Variants in NELL1 observed in about 807,000 individuals in gnomAD.
The protein encoded by NELL1 is neural EGFL like 1.
In NELL1, 76 loss-of-function variants were observed where a neutral mutation model predicts 107.4. The ratio of observed to expected loss-of-function variants is 0.71; its 90% confidence interval spans 0.59 to 0.86. NELL1 has a LOEUF of 0.86. Among genes scored for constraint, NELL1 ranks in the 40% least tolerant of loss-of-function variants. NELL1 has a pLI of 0.00. For missense variants in NELL1, 1,024 were observed against 1,005.5 expected, an observed-to-expected ratio of 1.02 and a Z score of -0.25; for synonymous variants, 353 against 341.2, an observed-to-expected ratio of 1.03 and a Z score of -0.38.
chr11:21,529,174 T>A (rs544277121), intron 15 of NELL1, among the ~76,000 whole-genome samples: 1 of 152,132 alleles, frequency 6.6e-6, no homozygotes, highest in South Asian at 2.1e-4. Flanking sequence ...GGCAGAAAAA[T>A]GTTGTACTAT....
rs1590211400 is a variant in NELL1, at chr11:20,695,012, A to G, written c.184+16952A>G. 3.3e-5 allele frequency among the ~76,000 whole-genome samples: 5 copies of G among 151,998 alleles called. No individual in the cohort carries two copies. The South Asian group carries it at 8.3e-4, about 25-fold the overall frequency. ...CTCCTTGTAGAGAGCTTTCACCTCC[A>G]TTGTTAGGTGTGTTTCTAGGTATTT... On this transcript the variant is annotated intron_variant, in intron 2 of 19. Coordinates refer to ENST00000357134, the MANE Select transcript of NELL1 (RefSeq NM_006157.5).
At chr11:21,399,874 A>G (rs531219818) in intron 15 of NELL1, among the ~76,000 whole-genome samples, 1 of 151,892 alleles carries the variant, frequency 6.6e-6, no homozygotes, top group East Asian at 2.0e-4. Flanking sequence ...GGAAGTTGAT[A>G]AGAACGCTGA....
chr11:21,245,500 A>G (rs185144297), intron 14 of NELL1, among the ~76,000 whole-genome samples: 38 of 152,296 alleles, frequency 2.5e-4, no homozygotes, highest in African/African-American at 7.2e-4. Context: ...CTTGTCGTTC[A>G]AAATGAAGTT....
intron 3 of NELL1, among the ~76,000 whole-genome samples, chr11:20,846,752 AG>A (rs1309884136): frequency 1.1e-4 from 17 of 152,214 alleles, no homozygotes; most frequent in Admixed American, 8.5e-4. Context: ...ACCTAGTGCA[AG>A]CCCTGGCAGT....
At chr11:20,848,022 C>T (rs1245284855) in intron 4 of NELL1, among the ~76,000 whole-genome samples, 4 of 152,138 alleles carry the variant, frequency 2.6e-5, no homozygotes, top group African/African-American at 9.7e-5. Flanking sequence ...AGTAAGTGCA[C>T]CTCAGTGTGC....
chr11:21,142,981 T>C (rs568168422), intron 13 of NELL1, among the ~76,000 whole-genome samples: 2 of 152,332 alleles, frequency 1.3e-5, no homozygotes, highest in African/African-American at 2.4e-5. Flanking sequence ...CCAACTTATA[T>C]GTAAGTAAAA....
intron 13 of NELL1, among the ~76,000 whole-genome samples, chr11:21,205,261 C>T (rs574524809): frequency 1.3e-5 from 2 of 152,282 alleles, no homozygotes; most frequent in East Asian, 3.9e-4. Context: ...GGGGTTTTAT[C>T]TTTAAGCCCA....
At chr11:20,873,551 A>G (rs1849243876) in intron 4 of NELL1, among the ~76,000 whole-genome samples, 1 of 152,214 alleles carries the variant, frequency 6.6e-6, no homozygotes, top group African/African-American at 2.4e-5. Flanking sequence ...AGAGCAGATG[A>G]TCTGTTTTGT....
chr11:21,240,907 A>G (rs1565126425), intron 14 of NELL1, among the ~76,000 whole-genome samples: 1 of 152,014 alleles, frequency 6.6e-6, no homozygotes, highest in Non-Finnish European at 1.5e-5. Context: ...ATGTTAAATC[A>G]GATCAGCTTG....
chr11:21,381,835 G>A (rs1851615070), intron 15 of NELL1, among the ~76,000 whole-genome samples: 1 of 151,174 alleles, frequency 6.6e-6, no homozygotes, highest in Non-Finnish European at 1.5e-5. Flanking sequence ...TTCTGCTCTG[G>A]GGAAAGACTG....
chr11:20,762,329 T>A (rs1342772611), intron 2 of NELL1, among the ~76,000 whole-genome samples: 1 of 152,160 alleles, frequency 6.6e-6, no homozygotes, highest in African/African-American at 2.4e-5. Flanking sequence ...CAAAGGCTGT[T>A]GGAATACAAA....
At chr11:21,343,210 C>T (rs560642216) in intron 14 of NELL1, among the ~76,000 whole-genome samples, 1 of 151,938 alleles carries the variant, frequency 6.6e-6, no homozygotes, top group Non-Finnish European at 1.5e-5. Flanking sequence ...GCATGGCATA[C>T]AAGATTCTTC....
At chr11:21,163,620 G>C (rs184579495) in intron 13 of NELL1, among the ~76,000 whole-genome samples, 11 of 152,172 alleles carry the variant, frequency 7.2e-5, no homozygotes, top group Admixed American at 7.2e-4. Context: ...CTGTATACTG[G>C]GTGACTTAAC....
At chr11:20,737,608 G>A (rs569906187) in intron 2 of NELL1, among the ~76,000 whole-genome samples, 2 of 152,164 alleles carry the variant, frequency 1.3e-5, no homozygotes, top group South Asian at 2.1e-4. Flanking sequence ...TACAGTGCCT[G>A]CAGAGAGATT....
In NELL1 at chr11:21,473,534, T is replaced by G. The variant is rs77777993; in HGVS notation, c.1646-60840T>G. On this transcript the variant is annotated intron_variant, in intron 15 of 19. Transcript: ENST00000357134. Reference sequence around the variant, plus strand: ...AGTGACCCTAATTCTACACAGACAATTTCAATGATGAGGGCACCTGTTTTT... The same window carrying G: ...AGTGACCCTAATTCTACACAGACAAGTTCAATGATGAGGGCACCTGTTTTT... 3.4e-4 allele frequency among the ~76,000 whole-genome samples: 52 copies of G among 152,156 alleles called. 1 individual carries two copies. In the East Asian group the frequency reaches 0.01, roughly 29 times the overall value.
chr11:20,927,165 A>C (rs1421607510), intron 7 of NELL1, 143 bp from the exon 8 acceptor site: 1 of 696,466 alleles, frequency 1.4e-6, no homozygotes, highest in East Asian at 2.9e-5. Context: ...AAAAAAACAA[A>C]AAACAGATAA....
chr11:21,179,805 T>G (rs1565098516), intron 13 of NELL1, among the ~76,000 whole-genome samples: 1 of 150,152 alleles, frequency 6.7e-6, no homozygotes, highest in African/African-American at 2.5e-5. Flanking sequence ...TGATTTATGT[T>G]TTTAACCAAA....
At chr11:21,328,426 A>T (rs1409989322) in intron 14 of NELL1, among the ~76,000 whole-genome samples, 2 of 152,152 alleles carry the variant, frequency 1.3e-5, no homozygotes, top group Non-Finnish European at 2.9e-5. Context: ...GATGTATGGA[A>T]ACACCTGGAT....
chr11:21,399,054 A>C (rs1044777693), intron 15 of NELL1, among the ~76,000 whole-genome samples: 6 of 151,370 alleles, frequency 4.0e-5, no homozygotes, highest in African/African-American at 1.5e-4. Flanking sequence ...AGAAAAAAAA[A>C]ATATTAGACG....
Sources: gnomAD v4.1 joint callset for allele counts (sites outside exome capture counted in the v4.1 genomes callset) on GRCh38, gnomAD v4.1.1 for gene constraint, MANE v1.5 for transcripts, NCBI Gene and HGNC (gene_info 2026-07-23, HGNC 2026-07-21) for gene names.